The following SNX27 variants were observed in gnomAD, a reference collection of about 807,000 sequenced individuals.
The protein encoded by SNX27 is sorting nexin 27.
A neutral mutation model predicts 71.6 loss-of-function variants in SNX27; 22 were observed. The ratio of observed to expected loss-of-function variants is 0.31; its 90% CI spans 0.22 to 0.44. SNX27 has a LOEUF of 0.44. Ranked by LOEUF, SNX27 falls within the 20% of genes least tolerant of loss-of-function variation. The pLI is 1.00. For synonymous variants in SNX27, 269 were observed against 277.2 expected (o/e 0.97, Z 0.29); for missense variants, 531 against 698.6 (o/e 0.76, Z 2.70).
Position 151,612,619 on chromosome 1 carries a change from C to T in SNX27, c.311+107C>T. 2.2e-6 allele frequency: 2 copies of T among 901,644 alleles called. No individual in the cohort carries two copies. Among genetic ancestry groups the T allele is most frequent in the Non-Finnish European group, 2.9e-6 (2 of 678,350 alleles). 55.9% of individuals were successfully genotyped at this position (901,644 alleles called of 1,614,324 possible). A position where few individuals can be genotyped will look rare whatever the true frequency, so the allele number is the denominator to read the frequency against. ...GGCCGCACCTCCCCCGAGCTCCGAG[C>T]CGGCCTCCGGACCCCCGCCCCTCAG... On this transcript the variant is annotated intron_variant, in intron 1 of 11. Transcript: ENST00000458013. The surrounding 1 kb of genome is among the most constrained non-coding windows in gnomAD (Gnocchi z 5.2).
At chr1:151,681,573 T>C (rs1670968896) in intron 7 of SNX27, among the ~76,000 whole-genome samples, 1 of 152,110 alleles carries the variant, frequency 6.6e-6, no homozygotes, top group African/African-American at 2.4e-5. Flanking sequence ...CATTTGCCTA[T>C]CCAACTATCT....
chr1:151,625,285 C>G (rs1439407562), intron 1 of SNX27, among the ~76,000 whole-genome samples: 1 of 152,086 alleles, frequency 6.6e-6, no homozygotes, highest in Non-Finnish European at 1.5e-5. Context: ...AGCGGCAGAT[C>G]ACTTGAGGTC....
chr1:151,612,663 C>T lies in SNX27; in HGVS notation c.311+151C>T. 1 of 596,334 alleles carries T rather than the reference C, an allele frequency of 1.7e-6. No homozygotes were observed. The highest frequency in any genetic ancestry group is 2.5e-6 in the Non-Finnish European group (1 of 396,202). 36.9% of individuals were successfully genotyped at this position (596,334 alleles called of 1,614,324 possible). A position where few individuals can be genotyped will look rare whatever the true frequency, so the allele number is the denominator to read the frequency against. ...CCCTCAGGCCTCCGCAGCCGGGCCC[C>T]TCCTTGTGGGCTGCCCTCCCACCAC... On this transcript the variant is annotated intron_variant, in intron 1 of 11. Transcript: ENST00000458013. The surrounding 1 kb of genome is among the most constrained non-coding windows in gnomAD (Gnocchi z 5.2).
At chr1:151,641,107 C>A (rs762229314) in intron 2 of SNX27, among the ~76,000 whole-genome samples, 32 of 152,150 alleles carry the variant, frequency 2.1e-4, no homozygotes, top group Non-Finnish European at 2.8e-4. Context: ...TTTCATTGTT[C>A]ATGCACATGT....
chr1:151,678,223 T>G (rs1670784392), intron 7 of SNX27: 1 of 152,172 alleles, frequency 6.6e-6, no homozygotes, highest in Non-Finnish European at 1.5e-5. Flanking sequence ...TTGCAAAAGA[T>G]TAAAACTGAA....
chr1:151,662,386 A>G, intron 5 of SNX27, 116 bp downstream of exon 5: 2 of 585,902 alleles, frequency 3.4e-6, no homozygotes, highest in Non-Finnish European at 6.1e-6. Context: ...TCCGTTTATT[A>G]AATGTTAGCT....
In SNX27 at chr1:151,642,703, A is replaced by T. The variant is rs1006325661; in HGVS notation, c.543+3584A>T. On this transcript the variant is annotated intron_variant, in intron 2 of 11. Coordinates refer to ENST00000458013, the MANE Select transcript of SNX27 (RefSeq NM_001330723.2). ...ACCCAGGCTGGAGTGCAGTGGCGCA[A>T]TCTTGGCTCACTGCAAGCTCCGCCT... Among the ~76,000 whole-genome samples, 3 of 151,898 alleles carry T rather than the reference A, an allele frequency of 2.0e-5. No homozygotes were observed. In the East Asian group the frequency reaches 5.8e-4, roughly 29 times the overall value.
chr1:151,664,688 A>C (rs555460800), intron 5 of SNX27, among the ~76,000 whole-genome samples: 4 of 152,136 alleles, frequency 2.6e-5, no homozygotes, highest in Non-Finnish European at 5.9e-5. Context: ...TCCCCCATAC[A>C]TTTATTCATT....
intron 8 of SNX27, among the ~76,000 whole-genome samples, chr1:151,684,867 G>C (rs867011750): frequency 2.0e-5 from 3 of 151,814 alleles, no homozygotes; most frequent in African/African-American, 7.3e-5. Flanking sequence ...GGAGTGCAGT[G>C]GTGTGATCTC....
intron 9 of SNX27, 147 bp from the exon 10 acceptor site, chr1:151,692,764 T>C: frequency 2.9e-6 from 4 of 1,359,170 alleles, no homozygotes; most frequent in Non-Finnish European, 4.0e-6. Flanking sequence ...TTCCACTGAT[T>C]TGTATTCTTC....
Position 151,696,353 on chromosome 1 carries a change from A to G in SNX27, c.*1936A>G, listed in dbSNP as rs1671704649. ...TCCTAGGATGGCATCTTTTGCTCTA[A>G]CTGGGAGACAGTCATAATTGGTTGT... On this transcript the variant is annotated 3_prime_UTR_variant, in exon 12 of 12. Coordinates refer to ENST00000458013, the MANE Select transcript of SNX27 (RefSeq NM_001330723.2). The G allele has an allele frequency of 6.6e-6, 1 of 152,178 alleles. No individual in the cohort carries two copies. Among genetic ancestry groups the G allele is most frequent in the Non-Finnish European group, 1.5e-5 (1 of 68,030 alleles). 9.4% of individuals were successfully genotyped at this position (152,178 alleles called of 1,614,324 possible).
intron 2 of SNX27, among the ~76,000 whole-genome samples, chr1:151,639,652 G>A (rs1340472261): frequency 2.6e-5 from 4 of 152,070 alleles, no homozygotes; most frequent in African/African-American, 9.7e-5. Flanking sequence ...TTTTTCCCAC[G>A]AGTTTCCTGA....
At chr1:151,677,524 CAGT>C (rs1670751905) in intron 7 of SNX27, 1 of 152,118 alleles carries the variant, frequency 6.6e-6, no homozygotes, top group Non-Finnish European at 1.5e-5. Flanking sequence ...TAAAGGGGAA[CAGT>C]GGTGTGTCTC....
chr1:151,615,974 T>C (rs566346387), intron 1 of SNX27: 2 of 238,674 alleles, frequency 8.4e-6, no homozygotes, highest in Admixed American at 6.5e-5. Flanking sequence ...CTTTTCTCCT[T>C]TCAAAACTGT....
chr1:151,659,618 A>T (rs1348405755), intron 3 of SNX27: 1 of 152,314 alleles, frequency 6.6e-6, no homozygotes, highest in Non-Finnish European at 1.5e-5. Context: ...GTGGATGGTG[A>T]AACATTTGTC....
intron 2 of SNX27, among the ~76,000 whole-genome samples, chr1:151,653,999 A>C (rs1669560670): frequency 6.6e-6 from 1 of 151,712 alleles, no homozygotes; most frequent in South Asian, 2.1e-4. Context: ...CGCCAAGCTA[A>C]TTTTTGTATT....
At chr1:151,658,468 AG>A in intron 3 of SNX27, 41 bp downstream of exon 3, 1 of 1,562,676 alleles carries the variant, frequency 6.4e-7, no homozygotes, top group South Asian at 1.2e-5. Context: ...GAGTAGACGT[AG>A]GTTCTAGATA....
At chr1:151,657,110 T>A (rs1201725455) in intron 2 of SNX27, among the ~76,000 whole-genome samples, 1 of 152,210 alleles carries the variant, frequency 6.6e-6, no homozygotes, top group Non-Finnish European at 1.5e-5. Context: ...AGATCTTAGC[T>A]TAGCTTTTAT....
Position 151,693,437 on chromosome 1 carries a change from A to C in SNX27, c.1532A>C (p.His511Pro). The stretch of plus-strand genomic sequence containing the variant: ...CTTTTTTTTCAGTTCAATTACATGC[A>C]TGAGTGCTTCGAGAGGGTGTTCTGC... ...KIFTPYFNYM[H>P]ECFERVFCEL... The change falls in exon 11 of 12, where the codon CAT becomes CCT. Residue 511 changes from histidine (H) to proline (P), a missense_variant. Transcript: ENST00000458013. 6.2e-7 allele frequency: 1 copy of C among 1,614,112 alleles called. No individual in the cohort carries two copies.
Sources: gnomAD v4.1 joint callset for allele counts (sites outside exome capture counted in the v4.1 genomes callset) on GRCh38, gnomAD v4.1.1 for gene constraint, Gnocchi (gnomAD v3.1) non-coding constraint, MANE v1.5 for transcripts, NCBI Gene and HGNC (gene_info 2026-07-23, HGNC 2026-07-21) for gene names.